Variants in TTF2 observed in about 807,000 individuals in gnomAD.
TTF2 encodes the protein RNA polymerase II termination factor.
In TTF2, 108 loss-of-function variants were observed where a neutral mutation model predicts 142.4. The ratio of observed to expected loss-of-function variants is 0.76; its 90% CI spans 0.65 to 0.89. TTF2 has a LOEUF of 0.89. Ranked by LOEUF, TTF2 falls within the 40% of genes least tolerant of loss-of-function variation. The pLI is 0.00. For missense variants in TTF2, 1,327 were observed against 1,379.8 expected (o/e 0.96, Z 0.61); for synonymous variants, 483 against 506.2 (o/e 0.95, Z 0.61).
Position 117,092,996 on chromosome 1 carries a change from A to G in TTF2, c.2976+95A>G. 7.0e-7 allele frequency: 1 copy of G among 1,426,978 alleles called. No homozygotes were observed. Among genetic ancestry groups the G allele is most frequent in the Admixed American group, 1.8e-5 (1 of 54,150 alleles). The allele number at this position is 1,426,978 out of a possible 1,614,324, so 88.4% of individuals were successfully genotyped here. On this transcript the variant is annotated intron_variant, in intron 18 of 22. Coordinates refer to ENST00000369466, the MANE Select transcript of TTF2 (RefSeq NM_003594.4). The surrounding 1 kb of genome is among the most constrained non-coding windows in gnomAD (Gnocchi z 4.4). The stretch of plus-strand genomic sequence containing the variant: ...TTCATTTGTCCAAGTGGGAACAGCC[A>G]TTTGCCAGCAGAGCTAGAGCCGTTA...
chr1:117,080,810 C>A lies in TTF2; in HGVS notation c.1784-1018C>A, dbSNP rs1299790801. Among the ~76,000 whole-genome samples the A allele has an allele frequency of 6.6e-6, 1 of 152,244 alleles. No homozygotes were observed. Among genetic ancestry groups the A allele is most frequent in the Non-Finnish European group, 1.5e-5 (1 of 68,050 alleles). ...GAATCCAGGGGAAACCAGGTACAAGCTTCCAGTGTCCTCCCAGTGGAGTCA... is the reference window on the plus strand; with the variant it reads ...GAATCCAGGGGAAACCAGGTACAAGATTCCAGTGTCCTCCCAGTGGAGTCA... On this transcript the variant is annotated intron_variant, in intron 9 of 22. Transcript: ENST00000369466. The surrounding 1 kb of genome is among the most constrained non-coding windows in gnomAD (Gnocchi z 4.3).
chr1:117,101,332 T>C lies in TTF2; in HGVS notation c.3345-48T>C. The stretch of plus-strand genomic sequence containing the variant: ...AGTTTGAATATATTATTAGATGTGC[T>C]GCTTAGGGTTTTTGATAGTTTGCTT... On this transcript the variant is annotated intron_variant, in intron 22 of 22. Coordinates refer to ENST00000369466, the MANE Select transcript of TTF2 (RefSeq NM_003594.4). This position sits in a 1 kb window ranked among gnomAD's most constrained non-coding sequence, Gnocchi z 5.9. 2.0e-6 allele frequency: 3 copies of C among 1,516,050 alleles called. No individual in the cohort carries two copies. Among genetic ancestry groups the C allele is most frequent in the Non-Finnish European group, 1.8e-6 (2 of 1,136,968 alleles). 93.9% of individuals were successfully genotyped at this position (1,516,050 alleles called of 1,614,324 possible).
rs1037086163 is a variant in TTF2, at chr1:117,097,062, C to T, written c.3187-289C>T. On this transcript the variant is annotated intron_variant, in intron 20 of 22. Coordinates refer to ENST00000369466, the MANE Select transcript of TTF2 (RefSeq NM_003594.4). This position sits in a 1 kb window ranked among gnomAD's most constrained non-coding sequence, Gnocchi z 4.1. ...TCTGGTTAATTGAAAGTTTATTGAG[C>T]TGACCATCCCCAGGGTTCTAAATTA... Among the ~76,000 whole-genome samples the T allele has an allele frequency of 2.6e-5, 4 of 152,164 alleles. No individual in the cohort carries two copies. The highest frequency in any genetic ancestry group is 9.7e-5 in the African/African-American group (4 of 41,434).
chr1:117,071,389 T>TA (rs1656564274), intron 3 of TTF2, among the ~76,000 whole-genome samples: 1 of 151,996 alleles, frequency 6.6e-6, no homozygotes, highest in Non-Finnish European at 1.5e-5. Flanking sequence ...AGGTATTAGG[T>TA]AAAAAAAGAA....
chr1:117,084,658 A>C (rs144748555), intron 11 of TTF2, among the ~76,000 whole-genome samples: 1 of 152,202 alleles, frequency 6.6e-6, no homozygotes, highest in Non-Finnish European at 1.5e-5. Context: ...AGAGTTAACT[A>C]TAAATTCTTG....
Position 117,076,897 on chromosome 1 carries a change from C to A in TTF2, c.1573+74C>A. The A allele has an allele frequency of 7.3e-7, 1 of 1,374,566 alleles. No individual in the cohort carries two copies. Among genetic ancestry groups the A allele is most frequent in the Non-Finnish European group, 9.9e-7 (1 of 1,014,194 alleles). 85.1% of individuals were successfully genotyped at this position (1,374,566 alleles called of 1,614,324 possible). ...TACGTGCCACCCGGTACAGTAGTCA[C>A]CTCTTATCCACACTTTCAGTTAACC... On this transcript the variant is annotated intron_variant, in intron 7 of 22. Coordinates refer to ENST00000369466, the MANE Select transcript of TTF2 (RefSeq NM_003594.4). This position sits in a 1 kb window ranked among gnomAD's most constrained non-coding sequence, Gnocchi z 4.6.
At chr1:117,065,772 T>A (rs1656047362) in intron 3 of TTF2, among the ~76,000 whole-genome samples, 1 of 42,378 alleles carries the variant, frequency 2.4e-5, no homozygotes, top group South Asian at 1.8e-3. Context: ...TAAGCCTTTA[T>A]TGCATGAAGT....
rs1017340720 is a variant in TTF2 at position 117,106,213 on chromosome 1, A to G, written c.*4689A>G. ...TGTCTTCATAACTACAAATGAAATCAGGGTCATTTATAGTACAAACTACCA... is the reference window on the plus strand; with the variant it reads ...TGTCTTCATAACTACAAATGAAATCGGGGTCATTTATAGTACAAACTACCA... On this transcript the variant is annotated 3_prime_UTR_variant, in exon 23 of 23. Coordinates refer to ENST00000369466, the MANE Select transcript of TTF2 (RefSeq NM_003594.4). 3 of 151,924 alleles carry G rather than the reference A, an allele frequency of 2.0e-5. No individual in the cohort carries two copies. Among genetic ancestry groups the G allele is most frequent in the African/African-American group, 7.3e-5 (3 of 41,348 alleles). The allele number at this position is 151,924 out of a possible 1,614,324, so 9.4% of individuals were successfully genotyped here.
In TTF2 at chr1:117,090,268, G is replaced by C; in HGVS notation, c.2496+60G>C. 1 of 1,572,204 alleles carries C rather than the reference G, an allele frequency of 6.4e-7. No individual in the cohort carries two copies. Among genetic ancestry groups the C allele is most frequent in the East Asian group, 2.2e-5 (1 of 44,564 alleles). On this transcript the variant is annotated intron_variant, in intron 14 of 22. Transcript: ENST00000369466. This position sits in a 1 kb window ranked among gnomAD's most constrained non-coding sequence, Gnocchi z 4.8. ...AGGGAAGGAACATGACTGTGTCCTT[G>C]TCTTGGGTTGAACAGCCATCTGCTT...
At position 117,096,327 on chromosome 1, in the gene TTF2, T is replaced by C. The variant is rs763959940; in HGVS notation, c.3186+28T>C. 7 of 1,610,994 alleles carry C rather than the reference T, an allele frequency of 4.3e-6. No individual in the cohort carries two copies. In the East Asian group the frequency reaches 1.6e-4, roughly 36 times the overall value. ...ACAAGCTGGTCACATCAGAGCCGCA[T>C]AATTAACTGTTCTGAGTTATACAAA... On this transcript the variant is annotated intron_variant, in intron 20 of 22. Transcript: ENST00000369466.
In TTF2 at chr1:117,098,841, C is replaced by A. The variant is rs1189240958; in HGVS notation, c.3278C>A (p.Ser1093Ter). 3 of 1,611,600 alleles carry A rather than the reference C, an allele frequency of 1.9e-6. No individual in the cohort carries two copies. Among genetic ancestry groups the A allele is most frequent in the Non-Finnish European group, 8.5e-7 (1 of 1,179,312 alleles). ...TAGCTGTCTTCTAACAGGAATCCAT[C>A]ACTTGAAGATCAAGCTTGTGACCGA... ...LFLLDMHWNP[S>*]LEDQACDRIY... is the part of the protein sequence containing the mutation. The change falls in exon 22 of 23, where the codon TCA (serine) becomes TAA (stop). Residue 1093 changes from serine (S) to a stop codon, truncating the protein, a stop_gained. Transcript: ENST00000369466. LOFTEE classifies it high-confidence loss of function.
chr1:117,094,502 C>T, intron 18 of TTF2: 1 of 443,020 alleles, frequency 2.3e-6, no homozygotes, highest in Non-Finnish European at 4.6e-6. Flanking sequence ...TCAAGTGCAC[C>T]CTAAGGGTTC....
At position 117,104,520 on chromosome 1, in the gene TTF2, G is replaced by A. The variant is rs139945395; in HGVS notation, c.*2996G>A. 1.5e-3 allele frequency: 227 copies of A among 152,348 alleles called. 1 individual carries two copies. The highest frequency in any genetic ancestry group is 5.0e-3 in the African/African-American group (208 of 41,584). The allele number at this position is 152,348 out of a possible 1,614,324, so 9.4% of individuals were successfully genotyped here. On this transcript the variant is annotated 3_prime_UTR_variant, in exon 23 of 23. Transcript: ENST00000369466. ...TGAGGCCATTGACAAGTAATCTACT[G>A]TAAGGTAGATGCCTCCTGGTATTTT...
In TTF2 at chr1:117,079,885, AGAG is replaced by A. The variant is rs1647338497; in HGVS notation, c.1783+243_1783+245del. ...AGAAGCTGACTCTGGCTGATTAAAGAGAGGAGGAGTTTATTTTTTGGTGGCTCC... is the reference window on the plus strand; with the variant it reads ...AGAAGCTGACTCTGGCTGATTAAAGAGAGGAGTTTATTTTTTGGTGGCTCC... On this transcript the variant is annotated intron_variant, in intron 9 of 22. Coordinates refer to ENST00000369466, the MANE Select transcript of TTF2 (RefSeq NM_003594.4). This position sits in a 1 kb window ranked among gnomAD's most constrained non-coding sequence, Gnocchi z 4.2. Among the ~76,000 whole-genome samples the A allele has an allele frequency of 6.6e-6, 1 of 152,192 alleles. No individual in the cohort carries two copies. The highest frequency in any genetic ancestry group is 1.5e-5 in the Non-Finnish European group (1 of 68,040).
rs1291324236 is a variant in TTF2, at chr1:117,097,516, T to C, written c.3269+83T>C. ...ACAGGGGCAGCAAGAACTGACTTCT[T>C]ATGTTGATTGCTGTGTTCGTATTGC... On this transcript the variant is annotated intron_variant, in intron 21 of 22. Coordinates refer to ENST00000369466, the MANE Select transcript of TTF2 (RefSeq NM_003594.4). The surrounding 1 kb of genome is among the most constrained non-coding windows in gnomAD (Gnocchi z 4.1). The C allele has an allele frequency of 9.0e-6, 11 of 1,223,494 alleles. No homozygotes were observed. The African/African-American group carries it at 1.5e-4, about 17-fold the overall frequency. The allele number at this position is 1,223,494 out of a possible 1,614,324, so 75.8% of individuals were successfully genotyped here. A position where few individuals can be genotyped will look rare whatever the true frequency, so the allele number is the denominator to read the frequency against.
At position 117,076,341 on chromosome 1, in the gene TTF2, A is replaced by G. The variant is rs112733567; in HGVS notation, c.1390+47A>G. 3 of 1,469,832 alleles carry G rather than the reference A, an allele frequency of 2.0e-6. No individual in the cohort carries two copies. The highest frequency in any genetic ancestry group is 2.8e-6 in the Non-Finnish European group (3 of 1,064,214). The allele number at this position is 1,469,832 out of a possible 1,614,324, so 91.0% of individuals were successfully genotyped here. ...AACTCCGGGTTTGCATCGACTTTAC[A>G]AGAGACATTCGGGAAGCCCTTTTAA... On this transcript the variant is annotated intron_variant, in intron 6 of 22. Coordinates refer to ENST00000369466, the MANE Select transcript of TTF2 (RefSeq NM_003594.4). The surrounding 1 kb of genome is among the most constrained non-coding windows in gnomAD (Gnocchi z 4.6).
Position 117,090,385 on chromosome 1 carries a change from G to C in TTF2, c.2497-147G>C, listed in dbSNP as rs1288108059. On this transcript the variant is annotated intron_variant, in intron 14 of 22. Coordinates refer to ENST00000369466, the MANE Select transcript of TTF2 (RefSeq NM_003594.4). The surrounding 1 kb of genome is among the most constrained non-coding windows in gnomAD (Gnocchi z 4.8). Reference sequence around the variant, plus strand: ...AGTGTCATAGCAATCCAGTTGTACTGTATGTTGGAGCAGTCCTGTGTCTAA... The same window carrying C: ...AGTGTCATAGCAATCCAGTTGTACTCTATGTTGGAGCAGTCCTGTGTCTAA... 5.4e-6 allele frequency: 6 copies of C among 1,103,000 alleles called. No individual in the cohort carries two copies. The highest frequency in any genetic ancestry group is 3.2e-5 in the African/African-American group (2 of 63,104). The allele number at this position is 1,103,000 out of a possible 1,614,324, so 68.3% of individuals were successfully genotyped here. A position where few individuals can be genotyped will look rare whatever the true frequency, so the allele number is the denominator to read the frequency against.
intron 10 of TTF2, among the ~76,000 whole-genome samples, chr1:117,083,390 A>G (rs1337229695): frequency 6.6e-6 from 1 of 152,236 alleles, no homozygotes; most frequent in Non-Finnish European, 1.5e-5. Context: ...GGGCCATGGT[A>G]TAAACAAACC....
chr1:117,075,486 T>C lies in TTF2; in HGVS notation c.902T>C (p.Ile301Thr). ...ACAAAGGCAAAGGATGGCCCTAGCA[T>C]ACAGGCCACCCAGAAAAGCCTGCCT... ...KETKAKDGPS[I>T]QATQKSLPQG... Residue 301 changes from isoleucine to threonine, a missense_variant, in exon 5 of 23, where the codon ATA becomes ACA. Coordinates refer to ENST00000369466, the MANE Select transcript of TTF2 (RefSeq NM_003594.4). The surrounding 1 kb of genome is among the most constrained non-coding windows in gnomAD (Gnocchi z 4.5). 6.2e-7 allele frequency: 1 copy of C among 1,614,156 alleles called. No homozygotes were observed. Among genetic ancestry groups the C allele is most frequent in the Non-Finnish European group, 8.5e-7 (1 of 1,179,996 alleles).
Sources: allele counts gnomAD v4.1 joint callset (sites outside exome capture counted in the v4.1 genomes callset), GRCh38; gene constraint gnomAD v4.1.1; non-coding constraint Gnocchi (gnomAD v3.1); transcripts MANE v1.5; gene names NCBI Gene and HGNC (gene_info 2026-07-23, HGNC 2026-07-21).